C1orf174: variants seen among roughly 807,000 people sequenced by gnomAD.
C1orf174 encodes UPF0688 protein C1orf174.
Under a neutral mutation model 18.4 loss-of-function variants are expected in C1orf174, and 13 were observed. The observed-to-expected ratio is 0.71, with a 90% CI of 0.46 to 1.12. C1orf174 has a LOEUF of 1.12. C1orf174 is among the 50% of genes most tolerant of loss of function. C1orf174 has a pLI of 0.00. For missense variants in C1orf174, 309 were observed against 308.0 expected (o/e 1.00, Z -0.02); for synonymous variants, 100 against 118.3 (o/e 0.85, Z 1.01).
chr1:3,890,398 G>C (rs1638483928), intron 3 of C1orf174, among the ~76,000 whole-genome samples, 171 bp downstream of exon 3: 1 of 152,176 alleles, frequency 6.6e-6, no homozygotes, highest in Admixed American at 6.5e-5. Context: ...GAGATGCAGG[G>C]AGAGCCCCCA....
chr1:3,900,245 G>A lies in C1orf174; in HGVS notation c.-59C>T. 10 of 1,525,458 alleles carry A rather than the reference G, an allele frequency of 6.6e-6. No individual in the cohort carries two copies. The highest frequency in any genetic ancestry group is 7.8e-6 in the Non-Finnish European group (9 of 1,149,226). The allele number at this position is 1,525,458 out of a possible 1,614,324, so 94.5% of individuals were successfully genotyped here. A position where few individuals can be genotyped will look rare whatever the true frequency, so the allele number is the denominator to read the frequency against. ...CCGGCCAACGCGTCCCGGCGGAGCG[G>A]CGACCCGGAGTCTGCAGAGCGCGCC... On this transcript the variant is annotated 5_prime_UTR_variant, in exon 1 of 4. Transcript: ENST00000361605.
rs769897541 is a variant in C1orf174 at position 3,900,160 on chromosome 1, C to G, written c.15+12G>C. 1 of 1,582,208 alleles carries G rather than the reference C, an allele frequency of 6.3e-7. No homozygotes were observed. The highest frequency in any genetic ancestry group is 1.1e-5 in the South Asian group (1 of 89,372). On this transcript the variant is annotated intron_variant, in intron 1 of 3. Coordinates refer to ENST00000361605, the MANE Select transcript of C1orf174 (RefSeq NM_207356.3). ...CTGCCCGGCGCAGCTGCTGCCGGGA[C>G]CCAGCCCTCACCTTCCGGCTCCTCA...
intron 2 of C1orf174, chr1:3,891,540 CAT>C: frequency 1.0e-6 from 1 of 970,842 alleles, no homozygotes; most frequent in East Asian, 1.1e-4. Context: ...AGCACCTCAT[CAT>C]GAGCAAAGCT....
chr1:3,899,891 G>C (rs1205953676), intron 1 of C1orf174, among the ~76,000 whole-genome samples: 1 of 149,086 alleles, frequency 6.7e-6, no homozygotes, highest in Admixed American at 6.6e-5. Context: ...TGCGGGGGTG[G>C]GTAACCTGGG....
chr1:3,896,966 CTG>C (rs1280532318), intron 1 of C1orf174, among the ~76,000 whole-genome samples: 1 of 152,192 alleles, frequency 6.6e-6, no homozygotes, highest in African/African-American at 2.4e-5. Context: ...AGGCTGAACA[CTG>C]TGGCAGGGGA....
rs1239355516 is a variant in C1orf174, at chr1:3,900,259, G to A, written c.-73C>T. The A allele has an allele frequency of 4.8e-6, 7 of 1,470,566 alleles. No individual in the cohort carries two copies. Among genetic ancestry groups the A allele is most frequent in the South Asian group, 1.3e-5 (1 of 74,084 alleles). The allele number at this position is 1,470,566 out of a possible 1,614,324, so 91.1% of individuals were successfully genotyped here. On this transcript the variant is annotated 5_prime_UTR_variant, in exon 1 of 4. Coordinates refer to ENST00000361605, the MANE Select transcript of C1orf174 (RefSeq NM_207356.3). ...CCGGCGGAGCGGCGACCCGGAGTCT[G>A]CAGAGCGCGCCGCGGCGGCGTCCGA...
rs779086179 is a variant in C1orf174 at position 3,892,914 on chromosome 1, G to A, written c.98C>T (p.Ala33Val). The A allele has an allele frequency of 6.2e-7, 1 of 1,614,266 alleles. No homozygotes were observed. The highest frequency in any genetic ancestry group is 8.5e-7 in the Non-Finnish European group (1 of 1,180,040). Residue 33 changes from alanine to valine, a missense_variant, in exon 2 of 4, where the codon GCT (alanine) becomes GTT (valine). Coordinates refer to ENST00000361605, the MANE Select transcript of C1orf174 (RefSeq NM_207356.3). ...TGCTGTCTTGGCAGACGTGGAACCA[G>A]CAACTTCCTGGGCAGAGGCCAACCT... Reference protein sequence around the residue: ...AARLASAQEVAGSTSAKTACL... With the variant: ...AARLASAQEVVGSTSAKTACL...
At chr1:3,890,540 C>A in intron 3 of C1orf174, 29 bp downstream of exon 3, 1 of 1,609,464 alleles carries the variant, frequency 6.2e-7, no homozygotes, top group South Asian at 1.1e-5. Flanking sequence ...GCCTGAGTAC[C>A]CACGGGAGGA....
intron 1 of C1orf174, among the ~76,000 whole-genome samples, chr1:3,899,811 C>G (rs532523894): frequency 6.6e-6 from 1 of 151,778 alleles, no homozygotes; most frequent in Non-Finnish European, 1.5e-5. Context: ...TGGACCGGAG[C>G]CCCCCTTCTC....
intron 1 of C1orf174, among the ~76,000 whole-genome samples, chr1:3,896,749 C>T (rs556973506): frequency 6.6e-6 from 1 of 152,342 alleles, no homozygotes; most frequent in African/African-American, 2.4e-5. Flanking sequence ...AAACACTGAC[C>T]TTAGAAAGTA....
intron 1 of C1orf174, among the ~76,000 whole-genome samples, chr1:3,897,525 T>C (rs1213784759): frequency 6.6e-6 from 1 of 151,984 alleles, no homozygotes; most frequent in Non-Finnish European, 1.5e-5. Flanking sequence ...TGCAGAGAAA[T>C]GCTGGACATC....
rs1318387678 is a variant in C1orf174 at position 3,890,904 on chromosome 1, C to A, written c.283G>T (p.Glu95Ter). 1 of 1,614,094 alleles carries A rather than the reference C, an allele frequency of 6.2e-7. No homozygotes were observed. The highest frequency in any genetic ancestry group is 8.5e-7 in the Non-Finnish European group (1 of 1,180,046). Reference sequence around the variant, plus strand: ...AGCAAGGCACTGCCTTCAGCAAACTCATTTTCACAAGGGGTCTCAGGTGTC... The same window carrying A: ...AGCAAGGCACTGCCTTCAGCAAACTAATTTTCACAAGGGGTCTCAGGTGTC... The part of the protein sequence containing the change: ...KVTPETPCEN[E>*]FAEGSALLPG... The change falls in exon 3 of 4, where the codon GAG becomes TAG. Residue 95 changes from glutamate to a stop codon, truncating the protein, a stop_gained. Transcript: ENST00000361605. LOFTEE classifies it high-confidence loss of function.
At chr1:3,893,024 G>A in intron 1 of C1orf174, 28 bp from the exon 2 acceptor site, 2 of 1,607,336 alleles carry the variant, frequency 1.2e-6, no homozygotes, top group Middle Eastern at 1.7e-4. Flanking sequence ...CACTCAGAGA[G>A]TGCTCTCAGG....
In C1orf174 at chr1:3,890,622, TGTC is replaced by T; in HGVS notation, c.562_564del (p.Asp188del). The stretch of plus-strand genomic sequence containing the variant: ...CGGCTCACGGGCATTGGCTGATTGC[TGTC>T]GTCATCTAGAAAGACGCTGTTGTCC... On this transcript the variant is annotated inframe_deletion, in exon 3 of 4. Coordinates refer to ENST00000361605, the MANE Select transcript of C1orf174 (RefSeq NM_207356.3). 6.2e-7 allele frequency: 1 copy of T among 1,614,164 alleles called. No individual in the cohort carries two copies. Among genetic ancestry groups the T allele is most frequent in the South Asian group, 1.1e-5 (1 of 91,078 alleles).
Position 3,892,593 on chromosome 1 carries a change from A to T in C1orf174, c.129+290T>A. The T allele has an allele frequency of 2.9e-5, 11 of 375,592 alleles. No homozygotes were observed. The South Asian group carries it at 3.2e-4, about 11-fold the overall frequency. The allele number at this position is 375,592 out of a possible 1,614,324, so 23.3% of individuals were successfully genotyped here. The stretch of plus-strand genomic sequence containing the variant: ...ACACGGGTGGGCGGGTGCTAGGATC[A>T]GGGCCCGGGTCTAGACACACACACG... On this transcript the variant is annotated intron_variant, in intron 2 of 3. Coordinates refer to ENST00000361605, the MANE Select transcript of C1orf174 (RefSeq NM_207356.3).
rs752301663 is a variant in C1orf174, at chr1:3,890,634, G to C, written c.553C>G (p.Leu185Val). 1 of 1,614,114 alleles carries C rather than the reference G, an allele frequency of 6.2e-7. No homozygotes were observed. Among genetic ancestry groups the C allele is most frequent in the Non-Finnish European group, 8.5e-7 (1 of 1,180,024 alleles). Reference protein sequence around the residue: ...PPLQMDNSVFLDDDSNQPMPV... With the variant: ...PPLQMDNSVFVDDDSNQPMPV... ...ATTGGCTGATTGCTGTCGTCATCTA[G>C]AAAGACGCTGTTGTCCATCTGAAGT... The change falls in exon 3 of 4, where the codon CTA (leucine) becomes GTA (valine). Residue 185 changes from leucine to valine, a missense_variant. Physicochemically the swap from Leu to Val is conservative, Grantham distance 32. Transcript: ENST00000361605.
chr1:3,892,902 G>A lies in C1orf174; in HGVS notation c.110C>T (p.Ser37Phe), dbSNP rs1638536911. 1 of 1,614,104 alleles carries A rather than the reference G, an allele frequency of 6.2e-7. No individual in the cohort carries two copies. Among genetic ancestry groups the A allele is most frequent in the Non-Finnish European group, 8.5e-7 (1 of 1,180,030 alleles). ...GCTCACCAGACATGCTGTCTTGGCA[G>A]ACGTGGAACCAGCAACTTCCTGGGC... is the stretch of plus-strand genomic sequence containing the variant. ...ASAQEVAGST[S>F]AKTACLTSSS... Residue 37 changes from serine (S) to phenylalanine (F), a missense_variant, in exon 2 of 4, where the codon TCT becomes TTT. Coordinates refer to ENST00000361605, the MANE Select transcript of C1orf174 (RefSeq NM_207356.3).
At chr1:3,891,713 T>C in intron 2 of C1orf174, 1 of 986,036 alleles carries the variant, frequency 1.0e-6, no homozygotes, top group Non-Finnish European at 1.2e-6. Context: ...CCACCCACTC[T>C]GCCTTTCTCT....
chr1:3,898,531 C>CAACAACAA (rs1553174180), intron 1 of C1orf174, among the ~76,000 whole-genome samples: 245 of 139,380 alleles, frequency 1.8e-3, no homozygotes, highest in African/African-American at 6.6e-3. Flanking sequence ...ACAACAACAA[C>CAACAACAA]AACAACAACA....
Sources: allele counts gnomAD v4.1 joint callset (sites outside exome capture counted in the v4.1 genomes callset), GRCh38; gene constraint gnomAD v4.1.1; transcripts MANE v1.5; gene names NCBI Gene and HGNC (gene_info 2026-07-23, HGNC 2026-07-21).